KDSR: variants seen among roughly 807,000 people sequenced by gnomAD.
KDSR encodes 3-ketodihydrosphingosine reductase.
Under a neutral mutation model 41.3 loss-of-function variants are expected in KDSR, and 23 were observed. The observed-to-expected ratio is 0.56, with a 90% CI of 0.40 to 0.79. The LOEUF (loss-of-function observed/expected upper bound fraction) is 0.79, where lower values mean the gene tolerates loss of function less well. KDSR is among the 30% of genes least tolerant of loss of function. The pLI is 0.00. For synonymous variants in KDSR, 138 were observed against 151.7 expected (o/e 0.91, Z 0.66); for missense variants, 351 against 416.8 (o/e 0.84, Z 1.37).
intron 9 of KDSR, among the ~76,000 whole-genome samples, chr18:63,334,798 A>G (rs1914109250): frequency 6.6e-6 from 1 of 152,214 alleles, no homozygotes; most frequent in Non-Finnish European, 1.5e-5. Flanking sequence ...TACATTCTAT[A>G]AGCGAAGCAA....
intron 8 of KDSR, among the ~76,000 whole-genome samples, chr18:63,338,052 T>C (rs1258958455): frequency 1.3e-5 from 2 of 152,244 alleles, no homozygotes; most frequent in Non-Finnish European, 1.5e-5. Flanking sequence ...TTTAATGCAC[T>C]CAGGACAAAG....
chr18:63,352,987 T>G (rs1914696373), intron 5 of KDSR, among the ~76,000 whole-genome samples: 2 of 137,186 alleles, frequency 1.5e-5, no homozygotes, highest in East Asian at 2.1e-4. Context: ...ACCAACATGG[T>G]GAAAACCCGA....
intron 1 of KDSR, among the ~76,000 whole-genome samples, 180 bp downstream of exon 1, chr18:63,366,831 G>GGCCGGGT (rs1253590512): frequency 1.3e-5 from 2 of 152,210 alleles, no homozygotes; most frequent in African/African-American, 4.8e-5. Flanking sequence ...GGGTCCGCGA[G>GGCCGGGT]GCCGGGTGCC....
intron 5 of KDSR, among the ~76,000 whole-genome samples, chr18:63,351,611 T>A (rs1398863735): frequency 6.6e-6 from 1 of 152,142 alleles, no homozygotes; most frequent in Non-Finnish European, 1.5e-5. Context: ...TCAACAAGGG[T>A]ATGACCGCAT....
chr18:63,335,247 C>A lies in KDSR; in HGVS notation c.879+10G>T, dbSNP rs755020391. The A allele has an allele frequency of 9.4e-6, 15 of 1,590,202 alleles. No individual in the cohort carries two copies. Among genetic ancestry groups the A allele is most frequent in the Non-Finnish European group, 1.1e-5 (13 of 1,158,712 alleles). On this transcript the variant is annotated intron_variant, in intron 9 of 9. Coordinates refer to ENST00000645214, the MANE Select transcript of KDSR (RefSeq NM_002035.4). Reference sequence around the variant, plus strand: ...CGGCCTGTCTGATTGCTAGCCTAGGCAGAGCTTACCTGCTGGAGCCCCTCA... The same window carrying A: ...CGGCCTGTCTGATTGCTAGCCTAGGAAGAGCTTACCTGCTGGAGCCCCTCA...
intron 2 of KDSR, 78 bp from the exon 3 acceptor site, chr18:63,359,870 C>G (rs749173293): frequency 1.2e-5 from 12 of 970,070 alleles, no homozygotes; most frequent in African/African-American, 9.6e-5. Flanking sequence ...AGAAAAAAAG[C>G]AATTATTTCT....
intron 2 of KDSR, 52 bp downstream of exon 2, chr18:63,362,727 C>A: frequency 8.0e-7 from 1 of 1,254,802 alleles, no homozygotes; most frequent in Non-Finnish European, 1.2e-6. Flanking sequence ...GCCTCTTTGA[C>A]TAATTTCAAG....
At position 63,350,946 on chromosome 18, in the gene KDSR, GTGAAA is replaced by G; in HGVS notation, c.546_550del (p.Phe183SerfsTer24). ...GGCAAACTTGGATGCAGAGTAGGCT[GTGAAA>G]CCGAATAATCCCAACTGTCCTGCCT... On this transcript the variant is annotated frameshift_variant, in exon 6 of 10. Transcript: ENST00000645214. LOFTEE classifies it high-confidence loss of function. 1 of 1,614,170 alleles carries G rather than the reference GTGAAA, an allele frequency of 6.2e-7. No homozygotes were observed. The highest frequency in any genetic ancestry group is 1.3e-5 in the African/African-American group (1 of 75,058).
Position 63,350,878 on chromosome 18 carries a change from C to T in KDSR, c.609+10G>A, listed in dbSNP as rs773055901. The T allele has an allele frequency of 1.3e-6, 2 of 1,595,050 alleles. No individual in the cohort carries two copies. The highest frequency in any genetic ancestry group is 2.2e-5 in the South Asian group (2 of 89,500). ...AGAGGAATAAATACAAAAATGAATA[C>T]AACTTTTACCTCCATCTGCAAAGCT... is the stretch of plus-strand genomic sequence containing the variant. On this transcript the variant is annotated intron_variant, in intron 6 of 9. Coordinates refer to ENST00000645214, the MANE Select transcript of KDSR (RefSeq NM_002035.4).
At chr18:63,334,879 C>G (rs1365978806) in intron 9 of KDSR, among the ~76,000 whole-genome samples, 1 of 152,182 alleles carries the variant, frequency 6.6e-6, no homozygotes, top group African/African-American at 2.4e-5. Context: ...AAAAGGTTTT[C>G]TAGTCTAATA....
chr18:63,332,687 C>A (rs1454622007), intron 9 of KDSR, among the ~76,000 whole-genome samples: 1 of 152,024 alleles, frequency 6.6e-6, no homozygotes, highest in Non-Finnish European at 1.5e-5. Flanking sequence ...AAAAAATTAT[C>A]CGCGTGTGGC....
chr18:63,351,746 A>G (rs1914667748), intron 5 of KDSR, among the ~76,000 whole-genome samples: 1 of 152,062 alleles, frequency 6.6e-6, no homozygotes. Flanking sequence ...TTGTCTTGGA[A>G]GCTTTTAATT....
intron 9 of KDSR, among the ~76,000 whole-genome samples, chr18:63,334,147 GC>G (rs1448459287): frequency 6.6e-6 from 1 of 152,162 alleles, no homozygotes; most frequent in Non-Finnish European, 1.5e-5. Context: ...TAAGAGAATG[GC>G]AAAGACAGTA....
At chr18:63,334,745 G>A (rs867169731) in intron 9 of KDSR, among the ~76,000 whole-genome samples, 1 of 152,188 alleles carries the variant, frequency 6.6e-6, no homozygotes, top group Non-Finnish European at 1.5e-5. Flanking sequence ...CAAGTACAGT[G>A]CCTAGCACAC....
At chr18:63,350,125 G>T (rs543784580) in intron 6 of KDSR, among the ~76,000 whole-genome samples, 3 of 152,318 alleles carry the variant, frequency 2.0e-5, no homozygotes, top group African/African-American at 7.2e-5. Flanking sequence ...GCAATAGAAA[G>T]AACTTTCCCT....
chr18:63,349,930 G>A (rs573649452), intron 6 of KDSR, among the ~76,000 whole-genome samples: 1 of 152,318 alleles, frequency 6.6e-6, no homozygotes, highest in South Asian at 2.1e-4. Context: ...CATATATACT[G>A]TCTGCCCTTT....
Position 63,362,794 on chromosome 18 carries a change from C to T in KDSR, c.183G>A (p.Leu61=), listed in dbSNP as rs910288535. Residue 61 remains leucine, a synonymous_variant, in exon 2 of 10, where the codon CTG becomes CTA. Transcript: ENST00000645214. ...ECYKQGAFIT[L]VARNEDKLLQ... is the part of the protein sequence containing the mutation. ...GAAGCCTTACCTCATTTCGTGCAAC[C>T]AGAGTTATAAAAGCTCCTTGTTTAT... 3.1e-6 allele frequency: 5 copies of T among 1,612,418 alleles called. No homozygotes were observed. Among genetic ancestry groups the T allele is most frequent in the Non-Finnish European group, 3.4e-6 (4 of 1,178,614 alleles).
intron 1 of KDSR, chr18:63,365,974 T>C (rs1915123483): frequency 6.6e-6 from 1 of 152,250 alleles, no homozygotes. Context: ...TCTTATTTTA[T>C]ACCAGCTCAG....
intron 2 of KDSR, among the ~76,000 whole-genome samples, chr18:63,362,051 T>C (rs554185380): frequency 8.5e-5 from 13 of 152,238 alleles, no homozygotes; most frequent in African/African-American, 3.1e-4. Context: ...CTCCCTTCAT[T>C]TCTTCATTCA....
Sources: gnomAD v4.1 joint callset for allele counts (sites outside exome capture counted in the v4.1 genomes callset) on GRCh38, gnomAD v4.1.1 for gene constraint, MANE v1.5 for transcripts, NCBI Gene and HGNC (gene_info 2026-07-23, HGNC 2026-07-21) for gene names.